Variants in TTC23 observed in about 807,000 individuals in gnomAD.
TTC23 encodes the protein tetratricopeptide repeat protein 23.
A neutral mutation model predicts 55.1 loss-of-function variants in TTC23; 58 were observed. The ratio of observed to expected loss-of-function variants is 1.05; its 90% CI spans 0.85 to 1.31. The LOEUF is 1.31. Ranked by LOEUF, TTC23 falls within the 50% of genes most tolerant of loss-of-function variation. The probability of loss-of-function intolerance (pLI) is 0.00; values close to 1 mark genes in which losing one functional copy is unlikely to be tolerated. For missense variants in TTC23, 516 were observed against 534.4 expected, an observed-to-expected ratio of 0.97 and a Z score of 0.34; for synonymous variants, 203 against 199.9, an observed-to-expected ratio of 1.02 and a Z score of -0.13.
chr15:99,142,428 CCTGTGTTTATATATTTATGAGTGCCT>C (rs1242606415), intron 12 of TTC23, among the ~76,000 whole-genome samples: 1 of 152,160 alleles, frequency 6.6e-6, no homozygotes, highest in Non-Finnish European at 1.5e-5. Context: ...CCCAAACTTC[CCTGTGTTTATATATTTATGAGTGCCT>C]CTGATGCAGC....
chr15:99,179,750 G>C (rs893201147), intron 9 of TTC23, among the ~76,000 whole-genome samples: 1 of 152,206 alleles, frequency 6.6e-6, no homozygotes, highest in African/African-American at 2.4e-5. Flanking sequence ...AGGTGGAGGG[G>C]CCTGGAAGTC....
chr15:99,187,688 A>G (rs2151960553), intron 9 of TTC23, among the ~76,000 whole-genome samples: 1 of 152,186 alleles, frequency 6.6e-6, no homozygotes, highest in South Asian at 2.1e-4. Flanking sequence ...GATTTTCAAT[A>G]GCCATTTCTC....
At chr15:99,174,477 AT>A (rs943865886) in intron 10 of TTC23, among the ~76,000 whole-genome samples, 60 of 151,990 alleles carry the variant, frequency 3.9e-4, no homozygotes, top group African/African-American at 1.4e-3. Context: ...AAAAAAAAAA[AT>A]CATTAGTACT....
chr15:99,209,456 A>T (rs970935810), intron 8 of TTC23, among the ~76,000 whole-genome samples: 1 of 152,174 alleles, frequency 6.6e-6, no homozygotes, highest in Admixed American at 6.5e-5. Context: ...TACATCAGTG[A>T]ATGTAATGTG....
chr15:99,185,795 T>C (rs1357869837), intron 9 of TTC23, among the ~76,000 whole-genome samples: 1 of 152,242 alleles, frequency 6.6e-6, no homozygotes, highest in African/African-American at 2.4e-5. Flanking sequence ...ATGAGGTAGA[T>C]GACGGCTCTT....
intron 12 of TTC23, among the ~76,000 whole-genome samples, chr15:99,149,688 C>G (rs554055166): frequency 6.6e-6 from 1 of 152,354 alleles, no homozygotes; most frequent in East Asian, 1.9e-4. Flanking sequence ...TGCCCACAGA[C>G]CACTGGCTTA....
chr15:99,175,211 G>A, intron 9 of TTC23, 56 bp from the exon 10 acceptor site: 1 of 1,409,336 alleles, frequency 7.1e-7, no homozygotes. Flanking sequence ...CAGCAGCAGG[G>A]AATTAACTGT....
chr15:99,219,668 G>A (rs570676826), intron 6 of TTC23, among the ~76,000 whole-genome samples: 1 of 152,198 alleles, frequency 6.6e-6, no homozygotes, highest in Non-Finnish European at 1.5e-5. Flanking sequence ...ATTCCCCAGT[G>A]TGTTCCAGTG....
At chr15:99,195,997 T>C (rs1009152959) in intron 9 of TTC23, among the ~76,000 whole-genome samples, 4 of 151,176 alleles carry the variant, frequency 2.6e-5, no homozygotes, top group African/African-American at 9.7e-5. Flanking sequence ...CTACTAAAAA[T>C]ACAAAATAGC....
In TTC23 at chr15:99,137,805, A is replaced by G. The variant is rs1555487820; in HGVS notation, c.*205T>C. ...CTTAGGTGATAGAAAACTGCTTTATAGCATATATCACCCTGAAGGGCATCC... is the reference window on the plus strand; with the variant it reads ...CTTAGGTGATAGAAAACTGCTTTATGGCATATATCACCCTGAAGGGCATCC... On this transcript the variant is annotated 3_prime_UTR_variant, in exon 14 of 14. Transcript: ENST00000394132. 1.1e-5 allele frequency: 8 copies of G among 746,810 alleles called. No individual in the cohort carries two copies. The highest frequency in any genetic ancestry group is 1.7e-5 in the Non-Finnish European group (8 of 482,546). 46.3% of individuals were successfully genotyped at this position (746,810 alleles called of 1,614,324 possible).
chr15:99,219,724 G>A (rs952745085), intron 6 of TTC23, among the ~76,000 whole-genome samples: 11 of 151,996 alleles, frequency 7.2e-5, no homozygotes, highest in Non-Finnish European at 1.5e-4. Flanking sequence ...GACTGAGATC[G>A]CTAGCACGGC....
chr15:99,175,749 C>T (rs1270717858), intron 9 of TTC23, among the ~76,000 whole-genome samples: 1 of 152,230 alleles, frequency 6.6e-6, no homozygotes, highest in African/African-American at 2.4e-5. Flanking sequence ...AATCCCAGCA[C>T]TTTGGGAGGC....
At chr15:99,188,818 G>C (rs933918883) in intron 9 of TTC23, among the ~76,000 whole-genome samples, 1 of 152,028 alleles carries the variant, frequency 6.6e-6, no homozygotes, top group Non-Finnish European at 1.5e-5. Context: ...GTACTTTGTT[G>C]AAACAGGTTG....
chr15:99,153,962 C>T (rs1229099803), intron 12 of TTC23, among the ~76,000 whole-genome samples: 1 of 152,102 alleles, frequency 6.6e-6, no homozygotes, highest in Non-Finnish European at 1.5e-5. Flanking sequence ...AATCTCCATG[C>T]AAATAAATCT....
At chr15:99,234,678 G>A (rs1265469187) in intron 4 of TTC23, among the ~76,000 whole-genome samples, 1 of 151,960 alleles carries the variant, frequency 6.6e-6, no homozygotes, top group Admixed American at 6.6e-5. Context: ...GGCCAAAAAT[G>A]GGCAATTTAT....
chr15:99,193,428 C>T (rs779333942), intron 9 of TTC23, among the ~76,000 whole-genome samples: 1 of 152,034 alleles, frequency 6.6e-6, no homozygotes, highest in Non-Finnish European at 1.5e-5. Flanking sequence ...GTGAGTAAGT[C>T]TCATGAGATC....
intron 9 of TTC23, 147 bp downstream of exon 9, chr15:99,199,772 C>T: frequency 1.4e-6 from 1 of 721,874 alleles, no homozygotes; most frequent in Non-Finnish European, 2.1e-6. Flanking sequence ...ATAAGAACAC[C>T]TTTGTTGAGC....
chr15:99,170,481 C>T (rs1219908163), intron 10 of TTC23, among the ~76,000 whole-genome samples: 2 of 152,214 alleles, frequency 1.3e-5, no homozygotes, highest in Non-Finnish European at 2.9e-5. Context: ...GAGAGCAGAG[C>T]TAAGATTCCC....
At chr15:99,142,429 C>T (rs1195108434) in intron 12 of TTC23, among the ~76,000 whole-genome samples, 1 of 152,146 alleles carries the variant, frequency 6.6e-6, no homozygotes, top group Non-Finnish European at 1.5e-5. Context: ...CCAAACTTCC[C>T]TGTGTTTATA....
Sources: gnomAD v4.1 joint callset for allele counts (sites outside exome capture counted in the v4.1 genomes callset) on GRCh38, gnomAD v4.1.1 for gene constraint, MANE v1.5 for transcripts, NCBI Gene and HGNC (gene_info 2026-07-23, HGNC 2026-07-21) for gene names.